PIWIL2: variants seen among roughly 807,000 people sequenced by gnomAD.
PIWIL2 encodes the protein piwi like RNA-mediated gene silencing 2.
In PIWIL2, 81 loss-of-function variants were observed where a neutral mutation model predicts 116.5. The ratio of observed to expected loss-of-function variants is 0.70; its 90% confidence interval spans 0.58 to 0.84. PIWIL2 has a LOEUF of 0.84. Ranked by LOEUF, PIWIL2 falls within the 40% of genes least tolerant of loss-of-function variation. The probability of loss-of-function intolerance (pLI) is 0.00; values close to 1 mark genes in which losing one functional copy is unlikely to be tolerated. For missense variants in PIWIL2, 1,272 were observed against 1,212.3 expected, an observed-to-expected ratio of 1.05 and a Z score of -0.73; for synonymous variants, 489 against 429.5, an observed-to-expected ratio of 1.14 and a Z score of -1.71.
At chr8:22,346,864 T>C (rs1012911895) in intron 20 of PIWIL2, among the ~76,000 whole-genome samples, 4 of 151,986 alleles carry the variant, frequency 2.6e-5, no homozygotes, top group African/African-American at 9.7e-5. Flanking sequence ...TTGGGCAACA[T>C]AGCAAGATCC....
intron 13 of PIWIL2, among the ~76,000 whole-genome samples, chr8:22,306,642 T>C (rs1043770289): frequency 1.3e-5 from 2 of 152,200 alleles, no homozygotes; most frequent in Admixed American, 1.3e-4. Flanking sequence ...CTGCCTCACT[T>C]TCCAGTCCAT....
chr8:22,352,995 C>T lies in PIWIL2; in HGVS notation c.2440C>T (p.Arg814Cys), dbSNP rs1371719613. The change falls in exon 21 of 23, where the codon CGT becomes TGT. Residue 814 changes from arginine (R) to cysteine (C), a missense_variant. Coordinates refer to ENST00000356766, the MANE Select transcript of PIWIL2 (RefSeq NM_018068.5). ...TCTACCAGAGAAGATTGTGGTGTAC[C>T]GTGATGGAGTGTCTGATGGCCAACT... ...HCLPEKIVVY[R>C]DGVSDGQLKT... The T allele has an allele frequency of 1.2e-6, 2 of 1,613,876 alleles. No individual in the cohort carries two copies. The highest frequency in any genetic ancestry group is 8.5e-7 in the Non-Finnish European group (1 of 1,179,846).
Position 22,352,949 on chromosome 8 carries a change from G to C in PIWIL2, c.2404-10G>C, listed in dbSNP as rs756701631. On this transcript the variant is annotated splice_polypyrimidine_tract_variant and intron_variant, in intron 20 of 22. Coordinates refer to ENST00000356766, the MANE Select transcript of PIWIL2 (RefSeq NM_018068.5). ...CTCTGTGAGTCACCACATCCTCGCT[G>C]TCATTTCAGGTGAACCACTGTCTAC... 2.6e-5 allele frequency: 41 copies of C among 1,605,478 alleles called. No individual in the cohort carries two copies. The highest frequency in any genetic ancestry group is 3.5e-5 in the Non-Finnish European group (41 of 1,174,054).
intron 5 of PIWIL2, 52 bp downstream of exon 5, chr8:22,283,292 C>T: frequency 7.1e-7 from 1 of 1,407,766 alleles, no homozygotes; most frequent in African/African-American, 1.4e-5. Flanking sequence ...GAAAACTCTG[C>T]ATTTTGGCTC....
intron 1 of PIWIL2, chr8:22,275,941 C>T (rs1486348393): frequency 2.0e-5 from 3 of 152,302 alleles, no homozygotes; most frequent in African/African-American, 7.2e-5. Context: ...CTACCTGAAT[C>T]TATAGAAGTG....
At chr8:22,332,794 A>G (rs1831891108) in intron 20 of PIWIL2, among the ~76,000 whole-genome samples, 1 of 152,130 alleles carries the variant, frequency 6.6e-6, no homozygotes, top group Non-Finnish European at 1.5e-5. Context: ...GCAAATAAAA[A>G]ATAGACTGTC....
At chr8:22,345,386 C>T (rs1003212527) in intron 20 of PIWIL2, among the ~76,000 whole-genome samples, 5 of 152,144 alleles carry the variant, frequency 3.3e-5, no homozygotes, top group African/African-American at 7.2e-5. Context: ...ATGGGCCAGG[C>T]GCAGTGGCTC....
At chr8:22,323,382 G>A (rs548029183) in intron 20 of PIWIL2, among the ~76,000 whole-genome samples, 147 of 152,002 alleles carry the variant, frequency 9.7e-4, no homozygotes, top group African/African-American at 1.6e-3. Flanking sequence ...TCCTGACCTC[G>A]TGATCCGCCG....
chr8:22,285,495 G>A (rs752679597), intron 6 of PIWIL2, among the ~76,000 whole-genome samples: 3 of 152,156 alleles, frequency 2.0e-5, no homozygotes, highest in African/African-American at 7.2e-5. Context: ...CGTCTTGCCT[G>A]TTGTGAACAG....
rs142976123 is a variant in PIWIL2 at position 22,310,962 on chromosome 8, T to C, written c.1801-150T>C. ...TTGAGACTACGCCACAGTTTTCTTA[T>C]CATGTACGTTCATGTTAATACAGGA... On this transcript the variant is annotated intron_variant, in intron 15 of 22. Coordinates refer to ENST00000356766, the MANE Select transcript of PIWIL2 (RefSeq NM_018068.5). 437 of 649,790 alleles carry C rather than the reference T, an allele frequency of 6.7e-4. 2 individuals are homozygous for C. Among genetic ancestry groups the C allele is most frequent in the African/African-American group, 2.2e-3 (121 of 55,012 alleles). The allele number at this position is 649,790 out of a possible 1,614,324, so 40.3% of individuals were successfully genotyped here.
chr8:22,322,054 G>C, intron 20 of PIWIL2: 1 of 906,880 alleles, frequency 1.1e-6, no homozygotes, highest in Non-Finnish European at 1.3e-6. Context: ...TTTTATTTTG[G>C]AATAAAAGTT....
intron 10 of PIWIL2, among the ~76,000 whole-genome samples, chr8:22,295,140 A>C (rs1193174247): frequency 6.6e-6 from 1 of 151,846 alleles, no homozygotes; most frequent in Non-Finnish European, 1.5e-5. Context: ...TTGTTAAAAA[A>C]ATTCATTCCT....
intron 20 of PIWIL2, among the ~76,000 whole-genome samples, chr8:22,330,566 G>A (rs1831834822): frequency 2.0e-5 from 3 of 151,504 alleles, no homozygotes; most frequent in Non-Finnish European, 4.4e-5. Flanking sequence ...GCGTAGTGGC[G>A]GGCACCTGTA....
chr8:22,348,744 C>G (rs1438553594), intron 20 of PIWIL2, among the ~76,000 whole-genome samples: 9 of 152,156 alleles, frequency 5.9e-5, no homozygotes. Flanking sequence ...AAGACCCTGT[C>G]TCAAAAGAAA....
chr8:22,327,684 G>A lies in PIWIL2; in HGVS notation c.2403+9409G>A, dbSNP rs147981889. Reference sequence around the variant, plus strand: ...GCCCGGCTTGAATCATCACTGTTGTGAAGTATCTCATTGTGGTTTTGACTT... The same window carrying A: ...GCCCGGCTTGAATCATCACTGTTGTAAAGTATCTCATTGTGGTTTTGACTT... On this transcript the variant is annotated intron_variant, in intron 20 of 22. Transcript: ENST00000356766. Among the ~76,000 whole-genome samples the A allele has an allele frequency of 1.9e-3, 283 of 152,176 alleles. 2 individuals are homozygous for A. Among genetic ancestry groups the A allele is most frequent in the Admixed American group, 4.4e-3 (67 of 15,270 alleles).
At chr8:22,282,790 G>A (rs1266904124) in intron 4 of PIWIL2, among the ~76,000 whole-genome samples, 4 of 151,848 alleles carry the variant, frequency 2.6e-5, no homozygotes, top group African/African-American at 9.7e-5. Context: ...GGGTCTCACT[G>A]TATTGTTTAG....
At position 22,357,431 on chromosome 8, in the gene PIWIL2, T is replaced by A. The variant is rs1006750617; in HGVS notation, c.*1926T>A. 6.6e-6 allele frequency: 1 copy of A among 152,338 alleles called. No homozygotes were observed. Among genetic ancestry groups the A allele is most frequent in the African/African-American group, 2.4e-5 (1 of 41,590 alleles). The allele number at this position is 152,338 out of a possible 1,614,324, so 9.4% of individuals were successfully genotyped here. A position where few individuals can be genotyped will look rare whatever the true frequency, so the allele number is the denominator to read the frequency against. ...TTCCTAATACTTTTTTTCTCTTAGA[T>A]AATCAGAACAAATGGTTGAATACAT... On this transcript the variant is annotated 3_prime_UTR_variant, in exon 23 of 23. Transcript: ENST00000356766.
chr8:22,284,400 C>G, intron 6 of PIWIL2, 128 bp downstream of exon 6: 1 of 501,726 alleles, frequency 2.0e-6, no homozygotes, highest in Non-Finnish European at 3.5e-6. Flanking sequence ...TGTGTTTACT[C>G]AGATCCTTAC....
chr8:22,316,401 C>T (rs1831460834), intron 19 of PIWIL2, 68 bp downstream of exon 19: 2 of 929,320 alleles, frequency 2.2e-6, no homozygotes, highest in South Asian at 2.7e-5. Flanking sequence ...ATTATAAATC[C>T]AGCAAATCTT....
Sources: gnomAD v4.1 joint callset for allele counts (sites outside exome capture counted in the v4.1 genomes callset) on GRCh38, gnomAD v4.1.1 for gene constraint, MANE v1.5 for transcripts, NCBI Gene and HGNC (gene_info 2026-07-23, HGNC 2026-07-21) for gene names.